Variants in CSMD1 observed in about 807,000 individuals in gnomAD.
CSMD1 encodes CUB and sushi domain-containing protein 1.
In CSMD1, 213 loss-of-function variants were observed where a neutral mutation model predicts 417.5. That is an observed-to-expected ratio of 0.51 (90% CI 0.46 to 0.57). The LOEUF (loss-of-function observed/expected upper bound fraction) is 0.57. Among genes scored for constraint, CSMD1 ranks in the 20% least tolerant of loss-of-function variants. CSMD1 has a pLI of 0.00. For missense variants in CSMD1, 6,923 were observed against 4,529.7 expected (o/e 1.53, Z -15.17); for synonymous variants, 2,862 against 1,736.8 (o/e 1.65, Z -16.11).
At chr8:3,731,264 A>C (rs561085136) in intron 6 of CSMD1, among the ~76,000 whole-genome samples, 3 of 152,296 alleles carry the variant, frequency 2.0e-5, no homozygotes, top group Non-Finnish European at 2.9e-5. Flanking sequence ...TTCTACATTG[A>C]CCAGCATTTA....
In CSMD1 at chr8:3,834,908, G is replaced by A. The variant is rs182386124; in HGVS notation, c.819-80866C>T. The stretch of plus-strand genomic sequence containing the variant: ...CAACCCCATCAAAAAGTGGGTGAAG[G>A]ACATGAACAGACACTTCTCAAAAGA... On this transcript the variant is annotated intron_variant, in intron 5 of 69. Coordinates refer to ENST00000635120, the MANE Select transcript of CSMD1 (RefSeq NM_033225.6). Among the ~76,000 whole-genome samples the A allele has an allele frequency of 4.4e-4, 67 of 152,032 alleles. 1 individual carries two copies. The Middle Eastern group carries it at 0.01, about 23-fold the overall frequency.
chr8:4,031,801 T>C (rs1797360554), intron 4 of CSMD1, 104 bp downstream of exon 4: 1 of 845,306 alleles, frequency 1.2e-6, no homozygotes, highest in Non-Finnish European at 1.8e-6. Context: ...AAGAGTCAGC[T>C]CAACATGTAT....
chr8:4,753,005 C>T (rs141644574), intron 1 of CSMD1, among the ~76,000 whole-genome samples: 46 of 152,212 alleles, frequency 3.0e-4, no homozygotes, highest in African/African-American at 1.1e-3. Flanking sequence ...TGGTATATAA[C>T]GACAGTTATT....
At chr8:3,626,878 A>G (rs1345561129) in intron 7 of CSMD1, among the ~76,000 whole-genome samples, 2 of 149,698 alleles carry the variant, frequency 1.3e-5, no homozygotes, top group African/African-American at 4.9e-5. Context: ...ATACATAAAT[A>G]TAAGTATTAA....
intron 3 of CSMD1, among the ~76,000 whole-genome samples, chr8:4,171,519 T>A (rs1349386631): frequency 6.6e-6 from 1 of 151,906 alleles, no homozygotes; most frequent in African/African-American, 2.4e-5. Flanking sequence ...CTCTACAGTT[T>A]CTTTAGTTGA....
chr8:4,168,995 T>C (rs979785426), intron 3 of CSMD1, among the ~76,000 whole-genome samples: 3 of 152,218 alleles, frequency 2.0e-5, no homozygotes, highest in African/African-American at 4.8e-5. Flanking sequence ...TTTCCTACTA[T>C]CTTATCAGCC....
At chr8:3,678,195 T>C (rs561449110) in intron 7 of CSMD1, among the ~76,000 whole-genome samples, 4 of 152,240 alleles carry the variant, frequency 2.6e-5, no homozygotes, top group Admixed American at 6.5e-5. Flanking sequence ...GAGAATGACT[T>C]TGATGAGCTG....
At chr8:3,045,517 T>C (rs1379050626) in intron 50 of CSMD1, among the ~76,000 whole-genome samples, 1 of 152,210 alleles carries the variant, frequency 6.6e-6, no homozygotes, top group Non-Finnish European at 1.5e-5. Flanking sequence ...TCCTGATTTT[T>C]CCAGAAGATT....
chr8:4,236,623 A>T (rs1292508743), intron 3 of CSMD1, among the ~76,000 whole-genome samples: 1 of 152,192 alleles, frequency 6.6e-6, no homozygotes, highest in African/African-American at 2.4e-5. Flanking sequence ...CCTACCTCTT[A>T]AAAGAATTCA....
At chr8:3,330,111 G>A (rs147515465) in intron 23 of CSMD1, among the ~76,000 whole-genome samples, 1 of 152,192 alleles carries the variant, frequency 6.6e-6, no homozygotes, top group African/African-American at 2.4e-5. Flanking sequence ...GCAGGGTAGT[G>A]GGTAGAGAGC....
intron 33 of CSMD1, among the ~76,000 whole-genome samples, chr8:3,195,222 G>C (rs1796638909): frequency 6.6e-6 from 1 of 152,144 alleles, no homozygotes; most frequent in African/African-American, 2.4e-5. Context: ...CTGAGACACA[G>C]TCAATCATGC....
At chr8:3,083,610 T>TATATA (rs1563320328) in intron 49 of CSMD1, among the ~76,000 whole-genome samples, 564 of 30,824 alleles carry the variant, frequency 0.018, 92 homozygotes, top group South Asian at 0.044. Context: ...ACCATAATTT[T>TATATA]TATATATATA....
chr8:3,672,106 G>C (rs1022734878), intron 7 of CSMD1, among the ~76,000 whole-genome samples: 1 of 152,120 alleles, frequency 6.6e-6, no homozygotes, highest in Non-Finnish European at 1.5e-5. Context: ...TTGATGCAGC[G>C]TTCAAGGTTA....
intron 28 of CSMD1, among the ~76,000 whole-genome samples, chr8:3,222,229 C>T (rs1053324868): frequency 2.6e-5 from 4 of 152,074 alleles, no homozygotes; most frequent in African/African-American, 9.7e-5. Context: ...AAAACCCTTG[C>T]ACAAAACTGC....
intron 3 of CSMD1, among the ~76,000 whole-genome samples, chr8:4,261,331 C>G (rs1803863234): frequency 6.6e-6 from 1 of 152,040 alleles, no homozygotes; most frequent in African/African-American, 2.4e-5. Flanking sequence ...ACTGTGTAAT[C>G]TCACTTAGAT....
chr8:3,574,912 C>T, intron 10 of CSMD1, 33 bp downstream of exon 10: 2 of 1,608,086 alleles, frequency 1.2e-6, no homozygotes, highest in Non-Finnish European at 1.7e-6. Flanking sequence ...GTGCTGTGTG[C>T]ATTAACCACA....
At chr8:4,212,872 G>C (rs779768181) in intron 3 of CSMD1, among the ~76,000 whole-genome samples, 1 of 149,700 alleles carries the variant, frequency 6.7e-6, no homozygotes, top group Non-Finnish European at 1.5e-5. Flanking sequence ...CCTACAGGAA[G>C]ATGAGGACAA....
chr8:4,398,385 CTTCTTTT>C (rs1230914175), intron 3 of CSMD1, among the ~76,000 whole-genome samples: 8 of 118,134 alleles, frequency 6.8e-5, no homozygotes, highest in African/African-American at 2.3e-4. Context: ...CTTGCTGCAA[CTTCTTTT>C]TTTTTTTTTT....
chr8:4,586,797 G>C (rs1406774619), intron 2 of CSMD1, among the ~76,000 whole-genome samples: 1 of 152,148 alleles, frequency 6.6e-6, no homozygotes, highest in African/African-American at 2.4e-5. Flanking sequence ...GATGATACTG[G>C]GCTGCAGCTG....
Sources: allele counts gnomAD v4.1 joint callset (sites outside exome capture counted in the v4.1 genomes callset), GRCh38; gene constraint gnomAD v4.1.1; transcripts MANE v1.5; gene names NCBI Gene and HGNC (gene_info 2026-07-23, HGNC 2026-07-21).